Variants in GDPD4 observed in about 807,000 individuals in gnomAD.
The protein encoded by GDPD4 is glycerophosphodiester phosphodiesterase 6.
GDPD4 carries 60 observed loss-of-function variants against 67.8 expected under a neutral mutation model. That is an observed-to-expected ratio of 0.88 (90% CI 0.72 to 1.10). The LOEUF (loss-of-function observed/expected upper bound fraction) is 1.10, where lower values mean the gene tolerates loss of function less well. GDPD4 is among the 50% of genes least tolerant of loss of function. GDPD4 has a pLI of 0.00. For synonymous variants in GDPD4, 212 were observed against 210.9 expected, an observed-to-expected ratio of 1.00 and a Z score of -0.04; for missense variants, 623 against 613.9, an observed-to-expected ratio of 1.01 and a Z score of -0.16.
intron 16 of GDPD4, 118 bp downstream of exon 16, chr11:77,227,742 ACCCC>A: frequency 1.6e-6 from 1 of 624,132 alleles, no homozygotes. Context: ...CCCTCCCCCA[ACCCC>A]ACCCCCAACT....
In GDPD4 at chr11:77,301,669, T is replaced by C. The variant is rs989273294; in HGVS notation, c.-318A>G. Reference sequence around the variant, plus strand: ...CTGAGGAGACCAGCGTCTCTTAAGATGGACGCCTGGCTGGAAGGGCAGCCC... The same window carrying C: ...CTGAGGAGACCAGCGTCTCTTAAGACGGACGCCTGGCTGGAAGGGCAGCCC... On this transcript the variant is annotated 5_prime_UTR_variant, in exon 1 of 17. Coordinates refer to ENST00000315938, the MANE Select transcript of GDPD4 (RefSeq NM_182833.3). 8.6e-5 allele frequency: 13 copies of C among 151,920 alleles called. No individual in the cohort carries two copies. The highest frequency in any genetic ancestry group is 1.5e-4 in the Non-Finnish European group (10 of 68,058). 9.4% of individuals were successfully genotyped at this position (151,920 alleles called of 1,614,324 possible).
chr11:77,244,561 G>A (rs1958742967), intron 12 of GDPD4, among the ~76,000 whole-genome samples: 1 of 152,136 alleles, frequency 6.6e-6, no homozygotes, highest in African/African-American at 2.4e-5. Context: ...CTTTGAGGCT[G>A]GGTGTGGTGG....
chr11:77,260,317 A>AGT (rs1959088900), intron 10 of GDPD4, among the ~76,000 whole-genome samples: 1 of 120,360 alleles, frequency 8.3e-6, no homozygotes, highest in African/African-American at 4.8e-5. Flanking sequence ...AGAAAAAAAA[A>AGT]TGGTCGGGGG....
chr11:77,233,172 T>G lies in GDPD4; in HGVS notation c.1242A>C (p.Arg414Ser). The change falls in exon 14 of 17, where the codon AGA becomes AGC. Residue 414 changes from arginine to serine, a missense_variant and splice_region_variant. By Grantham distance (110) the Arg-to-Ser change is moderately radical (BLOSUM62 -1). Transcript: ENST00000315938. ...TATGGATGTTAGCTGCTTTATAATC[T>G]CTGGAACAAAAACAGAACCCACAGG... ...DYKKLFPNGL[R>S]DYKAANIHIN... is the part of the protein sequence containing the mutation. 6.2e-7 allele frequency: 1 copy of G among 1,612,988 alleles called. No homozygotes were observed. The highest frequency in any genetic ancestry group is 8.5e-7 in the Non-Finnish European group (1 of 1,179,130).
chr11:77,288,617 C>T (rs576160336), intron 1 of GDPD4, among the ~76,000 whole-genome samples: 2 of 152,256 alleles, frequency 1.3e-5, no homozygotes, highest in Middle Eastern at 3.4e-3. Context: ...TAAAGTGCCC[C>T]ACCCAACCAA....
chr11:77,278,660 T>G (rs1368223277), intron 4 of GDPD4, among the ~76,000 whole-genome samples: 3 of 152,204 alleles, frequency 2.0e-5, no homozygotes, highest in Non-Finnish European at 4.4e-5. Context: ...GAGAAAGGAA[T>G]GGTGAAATCA....
intron 16 of GDPD4, 36 bp downstream of exon 16, chr11:77,227,828 T>C: frequency 1.3e-6 from 2 of 1,519,958 alleles, no homozygotes; most frequent in Non-Finnish European, 1.8e-6. Flanking sequence ...TGGGTAGGGA[T>C]GAAGAGACAG....
chr11:77,280,825 T>C (rs1959723809), intron 3 of GDPD4, among the ~76,000 whole-genome samples: 1 of 152,106 alleles, frequency 6.6e-6, no homozygotes, highest in African/African-American at 2.4e-5. Flanking sequence ...CTGTTGGTGA[T>C]GGTAGTGGCG....
chr11:77,224,826 G>A (rs1156851967), intron 16 of GDPD4, among the ~76,000 whole-genome samples: 1 of 152,104 alleles, frequency 6.6e-6, no homozygotes. Context: ...TATAGGCTGG[G>A]CAGGGTAGCT....
intron 8 of GDPD4, 42 bp from the exon 9 acceptor site, chr11:77,269,111 T>A (rs771801729): frequency 1.7e-5 from 27 of 1,587,598 alleles, no homozygotes; most frequent in Non-Finnish European, 1.7e-5. Context: ...GAAAAAGAGA[T>A]AAAGAGGGAT....
chr11:77,259,392 T>A (rs920096301), intron 10 of GDPD4, among the ~76,000 whole-genome samples: 5 of 152,136 alleles, frequency 3.3e-5, no homozygotes, highest in Admixed American at 2.6e-4. Context: ...TATGAAACTA[T>A]CTCTCCCTTT....
intron 16 of GDPD4, among the ~76,000 whole-genome samples, chr11:77,226,923 T>C (rs1236116980): frequency 1.3e-5 from 2 of 152,236 alleles, no homozygotes; most frequent in Admixed American, 6.5e-5. Flanking sequence ...CCCTAAGTGT[T>C]GTATCAGTTC....
In GDPD4 at chr11:77,276,144, G is replaced by A. The variant is rs1451629945; in HGVS notation, c.207+17C>T. On this transcript the variant is annotated intron_variant, in intron 5 of 16. Coordinates refer to ENST00000315938, the MANE Select transcript of GDPD4 (RefSeq NM_182833.3). ...AGTCCTGGTCTAAGGTTTCCTATGT[G>A]GACTCAGATGTCCTACCTTATGACA... 1 of 1,600,660 alleles carries A rather than the reference G, an allele frequency of 6.2e-7. No homozygotes were observed. The highest frequency in any genetic ancestry group is 8.6e-7 in the Non-Finnish European group (1 of 1,168,004).
chr11:77,274,675 A>T (rs1414951317), intron 5 of GDPD4, among the ~76,000 whole-genome samples: 1 of 152,184 alleles, frequency 6.6e-6, no homozygotes, highest in Non-Finnish European at 1.5e-5. Context: ...TAAATTACCC[A>T]ATCTCAGGTA....
chr11:77,289,235 C>T (rs1258971402), intron 1 of GDPD4, among the ~76,000 whole-genome samples: 2 of 151,820 alleles, frequency 1.3e-5, no homozygotes, highest in East Asian at 1.9e-4. Context: ...TGGTAGTGCA[C>T]ATCTGTAATC....
At chr11:77,242,882 A>G (rs530759173) in intron 13 of GDPD4, among the ~76,000 whole-genome samples, 23 of 152,238 alleles carry the variant, frequency 1.5e-4, no homozygotes, top group African/African-American at 5.5e-4. Context: ...AGATGCATGC[A>G]ACAGCCTTTT....
Position 77,229,234 on chromosome 11 carries a change from T to C in GDPD4, c.1390-2A>G. ...CATGAACACATAGAACTTTGGTGTC[T>C]GAAAAACATAAACCACAGTGAAAGA... On this transcript the variant is annotated splice_acceptor_variant, in intron 14 of 16. Coordinates refer to ENST00000315938, the MANE Select transcript of GDPD4 (RefSeq NM_182833.3). LOFTEE classifies it high-confidence loss of function. 4 of 1,585,022 alleles carry C rather than the reference T, an allele frequency of 2.5e-6. No homozygotes were observed. Among genetic ancestry groups the C allele is most frequent in the Non-Finnish European group, 3.4e-6 (4 of 1,159,582 alleles).
At position 77,282,708 on chromosome 11, in the gene GDPD4, CA is replaced by C. The variant is rs986602008; in HGVS notation, c.53+2376del. Among the ~76,000 whole-genome samples the C allele has an allele frequency of 2.5e-3, 366 of 144,092 alleles. 2 individuals are homozygous for C. Among genetic ancestry groups the C allele is most frequent in the African/African-American group, 6.6e-3 (265 of 40,458 alleles). The allele number at this position is 144,092 out of a possible 152,430, so 94.5% of individuals were successfully genotyped here. A position where few individuals can be genotyped will look rare whatever the true frequency, so the allele number is the denominator to read the frequency against. ...CCTCAAAAAAAAACAACAACAACAA[CA>C]AAAAAAAAAACACAGAACTGATAGG... On this transcript the variant is annotated intron_variant, in intron 3 of 16. Coordinates refer to ENST00000315938, the MANE Select transcript of GDPD4 (RefSeq NM_182833.3).
chr11:77,220,353 GCT>G (rs200872803), intron 16 of GDPD4, among the ~76,000 whole-genome samples: 1,957 of 152,230 alleles, frequency 0.013, 16 homozygotes, highest in Middle Eastern at 0.017. Flanking sequence ...GTCATAAATA[GCT>G]CTTATTATTT....
Sources: allele counts gnomAD v4.1 joint callset (sites outside exome capture counted in the v4.1 genomes callset), GRCh38; gene constraint gnomAD v4.1.1; transcripts MANE v1.5; gene names NCBI Gene and HGNC (gene_info 2026-07-23, HGNC 2026-07-21).